CDYL: variants seen among roughly 807,000 people sequenced by gnomAD.
CDYL encodes chromodomain Y-like protein.
A neutral mutation model predicts 47.3 loss-of-function variants in CDYL; 8 were observed. The observed-to-expected ratio is 0.17, with a 90% confidence interval of 0.10 to 0.31. The LOEUF (loss-of-function observed/expected upper bound fraction) is 0.31, where lower values mean the gene tolerates loss of function less well. Ranked by LOEUF, CDYL falls within the 10% of genes least tolerant of loss-of-function variation. CDYL has a pLI of 1.00. For synonymous variants in CDYL, 266 were observed against 265.0 expected (o/e 1.00, Z -0.04); for missense variants, 471 against 701.4 (o/e 0.67, Z 3.71).
intron 2 of CDYL, 84 bp downstream of exon 2, chr6:4,892,463 CAG>C: frequency 3.5e-6 from 5 of 1,416,586 alleles, no homozygotes; most frequent in Non-Finnish European, 4.7e-6. Flanking sequence ...TTGAGCTGGG[CAG>C]AGTCCGGGGC....
At chr6:4,786,066 T>C (rs1758747338) in intron 1 of CDYL, among the ~76,000 whole-genome samples, 2 of 152,248 alleles carry the variant, frequency 1.3e-5, no homozygotes, top group African/African-American at 2.4e-5. Flanking sequence ...TCTACTTTTA[T>C]GGTAAACTTA....
chr6:4,932,987 C>T (rs530609446), intron 2 of CDYL, among the ~76,000 whole-genome samples: 4 of 152,316 alleles, frequency 2.6e-5, no homozygotes, highest in Admixed American at 1.3e-4. Context: ...TTTCTCCCTG[C>T]GTCGCCTCTT....
chr6:4,756,672 A>G (rs1758080699), intron 3 of CDYL, among the ~76,000 whole-genome samples: 2 of 151,900 alleles, frequency 1.3e-5, no homozygotes, highest in South Asian at 4.1e-4. Flanking sequence ...AATTACAACC[A>G]TCTTCTACAT....
chr6:4,861,200 C>T (rs1342394362), intron 1 of CDYL, among the ~76,000 whole-genome samples: 1 of 152,218 alleles, frequency 6.6e-6, no homozygotes, highest in African/African-American at 2.4e-5. Flanking sequence ...TCCTTTCTGG[C>T]TATGTGTATG....
intron 2 of CDYL, among the ~76,000 whole-genome samples, chr6:4,728,202 G>A (rs1757547810): frequency 6.6e-6 from 1 of 152,222 alleles, no homozygotes; most frequent in Non-Finnish European, 1.5e-5. Flanking sequence ...GTCACACCCA[G>A]CAAAATTAAG....
At chr6:4,782,107 G>C (rs77760101) in intron 1 of CDYL, among the ~76,000 whole-genome samples, 9,412 of 152,014 alleles carry the variant, frequency 0.062, 330 homozygotes, top group Middle Eastern at 0.088. Context: ...AGGAGCTCTC[G>C]GTGGACCAGA....
chr6:4,779,862 T>C (rs1312692823), intron 1 of CDYL, among the ~76,000 whole-genome samples: 1 of 152,250 alleles, frequency 6.6e-6, no homozygotes, highest in Non-Finnish European at 1.5e-5. Context: ...TAGACTCCTA[T>C]ATGAATGTGC....
rs79772688 is a variant in CDYL, at chr6:4,752,454, G to C, written c.186+17610G>C. On this transcript the variant is annotated intron_variant, in intron 3 of 8. Coordinates refer to the CDYL transcript ENST00000328908. Reference sequence around the variant, plus strand: ...TTTAACAGGCTTTCATCATAACTTCGGGAAAGAAGAATTAGAATGGGGAAG... The same window carrying C: ...TTTAACAGGCTTTCATCATAACTTCCGGAAAGAAGAATTAGAATGGGGAAG... 9.4e-3 allele frequency among the ~76,000 whole-genome samples: 1,425 copies of C among 152,142 alleles called. 26 individuals are homozygous for C. Among genetic ancestry groups the C allele is most frequent in the African/African-American group, 0.033 (1,354 of 41,476 alleles).
intron 1 of CDYL, among the ~76,000 whole-genome samples, chr6:4,706,419 G>A (rs1757047786): frequency 1.3e-5 from 2 of 151,962 alleles, no homozygotes; most frequent in East Asian, 3.9e-4. Context: ...AACTTTAAGA[G>A]TTTGGGTGGT....
chr6:4,830,769 A>G (rs1760116455), intron 1 of CDYL, among the ~76,000 whole-genome samples: 1 of 102,022 alleles, frequency 9.8e-6, no homozygotes, highest in Non-Finnish European at 1.9e-5. Flanking sequence ...CCACCCCACA[A>G]CAGGCCCCAG....
At chr6:4,821,455 C>T (rs955061728) in intron 1 of CDYL, among the ~76,000 whole-genome samples, 2 of 151,594 alleles carry the variant, frequency 1.3e-5, no homozygotes, top group Non-Finnish European at 2.9e-5. Flanking sequence ...TCCTTGTGGC[C>T]CGGCGTGGTG....
chr6:4,916,606 C>CG (rs11313942), intron 2 of CDYL, among the ~76,000 whole-genome samples: 94 of 151,324 alleles, frequency 6.2e-4, no homozygotes, highest in African/African-American at 1.6e-3. Context: ...CCAGATGTAT[C>CG]GGGGGGGGGC....
chr6:4,858,245 A>G (rs1031282353), intron 1 of CDYL, among the ~76,000 whole-genome samples: 13 of 152,184 alleles, frequency 8.5e-5, no homozygotes, highest in African/African-American at 3.1e-4. Context: ...TTCCTAGAAA[A>G]ATTCAAGTAG....
At chr6:4,870,070 C>T (rs1761431728) in intron 1 of CDYL, among the ~76,000 whole-genome samples, 1 of 151,022 alleles carries the variant, frequency 6.6e-6, no homozygotes, top group Non-Finnish European at 1.5e-5. Context: ...ATAATTTATT[C>T]ATTTATTGTT....
intron 1 of CDYL, among the ~76,000 whole-genome samples, chr6:4,809,879 T>C: frequency 7.9e-6 from 1 of 127,176 alleles, no homozygotes; most frequent in Non-Finnish European, 1.6e-5. Context: ...ATACTTTGTA[T>C]GGTAGGGGTA....
intron 1 of CDYL, among the ~76,000 whole-genome samples, chr6:4,798,122 G>T (rs574349426): frequency 6.6e-6 from 1 of 151,936 alleles, no homozygotes; most frequent in Non-Finnish European, 1.5e-5. Context: ...GTAAGTGTGT[G>T]CCACTACACC....
At position 4,833,051 on chromosome 6, in the gene CDYL, G is replaced by GT. The variant is rs1261477265; in HGVS notation, c.24+56250dup. Among the ~76,000 whole-genome samples the GT allele has an allele frequency of 3.4e-5, 5 of 146,738 alleles. No homozygotes were observed. In the East Asian group the frequency reaches 8.1e-4, roughly 24 times the overall value. On this transcript the variant is annotated intron_variant, in intron 1 of 6. Coordinates refer to ENST00000397588, the MANE Select transcript of CDYL (RefSeq NM_004824.4). Reference sequence around the variant, plus strand: ...CCTGGATTCATTAATTTTTTGAAGGGTTTTTTGTGTCTCTATTTCCTTCAG... The same window carrying GT: ...CCTGGATTCATTAATTTTTTGAAGGGTTTTTTTGTGTCTCTATTTCCTTCAG...
At chr6:4,884,004 A>C (rs1761833274) in intron 1 of CDYL, among the ~76,000 whole-genome samples, 1 of 152,184 alleles carries the variant, frequency 6.6e-6, no homozygotes, top group South Asian at 2.1e-4. Context: ...ATGTGTGTGC[A>C]TCCTACAAGT....
intron 2 of CDYL, among the ~76,000 whole-genome samples, chr6:4,895,687 T>G (rs1371668825): frequency 6.6e-6 from 1 of 152,164 alleles, no homozygotes; most frequent in Non-Finnish European, 1.5e-5. Flanking sequence ...GCGATCTTGC[T>G]GGTTCCCTCT....
Sources: gnomAD v4.1 joint callset for allele counts (sites outside exome capture counted in the v4.1 genomes callset) on GRCh38, gnomAD v4.1.1 for gene constraint, MANE v1.5 for transcripts, NCBI Gene and HGNC (gene_info 2026-07-23, HGNC 2026-07-21) for gene names.